Variants in HOMER2 observed in about 807,000 individuals in gnomAD.
The protein encoded by HOMER2 is homer scaffold protein 2, also known as homer protein homolog 2.
In HOMER2, 27 loss-of-function variants were observed where a neutral mutation model predicts 47.0. The observed-to-expected ratio is 0.57, with a 90% CI of 0.42 to 0.79. HOMER2 has a LOEUF of 0.79. Among genes scored for constraint, HOMER2 ranks in the 30% least tolerant of loss-of-function variants. The pLI, the probability that HOMER2 is intolerant of heterozygous loss-of-function variation, is 0.00. For synonymous variants in HOMER2, 161 were observed against 163.8 expected (o/e 0.98, Z 0.13); for missense variants, 443 against 435.0 (o/e 1.02, Z -0.16).
chr15:82,955,846 A>T (rs1353943555), upstream of HOMER2, among the ~76,000 whole-genome samples: 4 of 152,224 alleles, frequency 2.6e-5, no homozygotes, highest in Admixed American at 2.6e-4. Flanking sequence ...GTATTAATCA[A>T]ATAATCACAC....
chr15:82,959,667 T>A lies in HOMER2; in HGVS notation n.83-359A>T, dbSNP rs537904815. Among the ~76,000 whole-genome samples, 352 of 152,340 alleles carry A rather than the reference T, an allele frequency of 2.3e-3. 2 individuals carry two copies. The highest frequency in any genetic ancestry group is 2.1e-3 in the Non-Finnish European group (144 of 68,032). ...AGAATGATTTAATTGGTTTGAGTGG[T>A]GCCCAGGCATCGGCAATCCTTTAAA... On this transcript the variant is annotated intron_variant and non_coding_transcript_variant, in intron 1 of 1. Coordinates refer to the HOMER2 transcript ENST00000500334.
chr15:82,851,289 G>A, intron 7 of HOMER2, 58 bp from the exon 8 acceptor site: 1 of 1,228,852 alleles, frequency 8.1e-7, no homozygotes, highest in East Asian at 2.5e-5. Context: ...ATATATTCTT[G>A]AAAATCACCA....
intron 1 of HOMER2, among the ~76,000 whole-genome samples, chr15:82,919,863 G>A (rs961229884): frequency 3.3e-5 from 5 of 152,252 alleles, no homozygotes; most frequent in Middle Eastern, 3.4e-3. Context: ...AAAAGCAGGC[G>A]GTATCTTTCG....
exon 2 of HOMER2, chr15:82,837,108 TC>T (rs1298534162): frequency 1.3e-5 from 2 of 152,464 alleles, no homozygotes; most frequent in Admixed American, 6.5e-5. Context: ...TTGCCCCTGT[TC>T]CTTGGCTTGT....
At chr15:82,966,399 G>C (rs749288828) in intron 1 of HOMER2, among the ~76,000 whole-genome samples, 13 of 152,104 alleles carry the variant, frequency 8.5e-5, no homozygotes, top group Non-Finnish European at 1.3e-4. Flanking sequence ...AGAATAAAAG[G>C]GGGGGAAAGA....
chr15:82,903,243 G>T (rs2053182178), intron 1 of HOMER2, among the ~76,000 whole-genome samples: 1 of 152,188 alleles, frequency 6.6e-6, no homozygotes, highest in South Asian at 2.1e-4. Flanking sequence ...GGGTTCCTGA[G>T]ATTTCAAAAT....
rs1192856304 is a variant in HOMER2 at position 82,875,315 on chromosome 15, T to G, written c.252A>C (p.Thr84=). 8.7e-6 allele frequency: 14 copies of G among 1,613,932 alleles called. No individual in the cohort carries two copies. Among genetic ancestry groups the G allele is most frequent in the Non-Finnish European group, 1.1e-5 (13 of 1,179,876 alleles). Reference sequence around the variant, plus strand: ...CAGAGGAAAACCCCAAACCAAACACTGTGTTGGCTCTGCTGTCGGCCCACT... The same window carrying G: ...CAGAGGAAAACCCCAAACCAAACACGGTGTTGGCTCTGCTGTCGGCCCACT... ...FGQWADSRAN[T]VFGLGFSSEQ... The change falls in exon 3 of 9, where the codon ACA becomes ACC. Residue 84 remains threonine, a synonymous_variant. Coordinates refer to ENST00000450735, the MANE Select transcript of HOMER2 (RefSeq NM_004839.4).
chr15:82,922,773 C>T (rs75219016), intron 1 of HOMER2, among the ~76,000 whole-genome samples: 5,929 of 152,220 alleles, frequency 0.039, 157 homozygotes, highest in Non-Finnish European at 0.058. Context: ...CTCACTCAGC[C>T]TTTGTCTCCA....
At chr15:82,925,150 C>G (rs1271308382) in intron 1 of HOMER2, among the ~76,000 whole-genome samples, 2 of 152,214 alleles carry the variant, frequency 1.3e-5, no homozygotes, top group Admixed American at 1.3e-4. Flanking sequence ...ATAGGATCTC[C>G]ACAGCCTTTC....
chr15:82,945,858 T>A (rs2054367013), intron 1 of HOMER2, among the ~76,000 whole-genome samples: 2 of 152,084 alleles, frequency 1.3e-5, no homozygotes, highest in Middle Eastern at 6.8e-3. Context: ...TAGTCCCAGC[T>A]ACTCGGGAGG....
chr15:82,952,135 G>T, intron 1 of HOMER2: 1 of 758,174 alleles, frequency 1.3e-6, no homozygotes. Flanking sequence ...CATTTTGCTT[G>T]TAATAAATCC....
chr15:82,982,829 A>AC (rs1567082101), intron 1 of HOMER2, among the ~76,000 whole-genome samples: 1 of 152,144 alleles, frequency 6.6e-6, no homozygotes, highest in Non-Finnish European at 1.5e-5. Flanking sequence ...TTAGTTTTTC[A>AC]ATTGTCACAC....
chr15:82,854,124 G>C (rs1346711680), intron 6 of HOMER2, among the ~76,000 whole-genome samples: 2 of 152,324 alleles, frequency 1.3e-5, no homozygotes, highest in Non-Finnish European at 2.9e-5. Flanking sequence ...AACGAGTCTG[G>C]CCAGGCACAG....
intron 1 of HOMER2, among the ~76,000 whole-genome samples, chr15:82,912,333 T>C (rs1055120265): frequency 4.6e-5 from 7 of 152,246 alleles, no homozygotes; most frequent in Non-Finnish European, 7.3e-5. Context: ...AATTGAATCA[T>C]ATAATATGTG....
Position 82,854,642 on chromosome 15 carries a change from AC to A in HOMER2, c.651+1del, listed in dbSNP as rs1242258670. On this transcript the variant is annotated splice_donor_variant, in intron 6 of 8. Coordinates refer to ENST00000450735, the MANE Select transcript of HOMER2 (RefSeq NM_004839.4). LOFTEE classifies it high-confidence loss of function. ...GGGGCTCACTGCATCCACCGTACCC[AC>A]CTTGTTGCGGAGCCGGTCATTCTCA... 1 of 1,611,118 alleles carries A rather than the reference AC, an allele frequency of 6.2e-7. No individual in the cohort carries two copies. The highest frequency in any genetic ancestry group is 8.5e-7 in the Non-Finnish European group (1 of 1,179,068).
chr15:82,937,966 T>C (rs1057328842), intron 1 of HOMER2, among the ~76,000 whole-genome samples: 2 of 152,240 alleles, frequency 1.3e-5, no homozygotes, highest in African/African-American at 4.8e-5. Flanking sequence ...CTAGTCAGTA[T>C]TTGCTTCAGC....
intron 1 of HOMER2, among the ~76,000 whole-genome samples, chr15:82,927,303 C>T (rs2053877860): frequency 2.0e-5 from 3 of 150,472 alleles, no homozygotes; most frequent in African/African-American, 7.5e-5. Flanking sequence ...GGCAAGAATT[C>T]TTGTCTGTCT....
intron 1 of HOMER2, among the ~76,000 whole-genome samples, chr15:82,893,832 G>T (rs573648214): frequency 6.6e-6 from 1 of 152,164 alleles, no homozygotes; most frequent in South Asian, 2.1e-4. Context: ...TCTCTGTGTT[G>T]CCCAGGCTAG....
chr15:82,874,013 G>T (rs780435858), intron 3 of HOMER2, among the ~76,000 whole-genome samples: 2 of 152,176 alleles, frequency 1.3e-5, no homozygotes, highest in Non-Finnish European at 2.9e-5. Flanking sequence ...CCCCCTCTTT[G>T]AAAACTGTCT....
Sources: allele counts gnomAD v4.1 joint callset (sites outside exome capture counted in the v4.1 genomes callset), GRCh38; gene constraint gnomAD v4.1.1; transcripts MANE v1.5; gene names NCBI Gene and HGNC (gene_info 2026-07-23, HGNC 2026-07-21).